Variants in DISC1 observed in about 807,000 individuals in gnomAD.
DISC1 encodes DISC1 scaffold protein.
A neutral mutation model predicts 84.5 loss-of-function variants in DISC1; 57 were observed. The ratio of observed to expected loss-of-function variants is 0.67; its 90% CI spans 0.55 to 0.84. DISC1 has a LOEUF of 0.84. Among genes scored for constraint, DISC1 ranks in the 40% least tolerant of loss-of-function variants. DISC1 has a pLI of 0.00. For missense variants in DISC1, 1,000 were observed against 1,057.8 expected, an observed-to-expected ratio of 0.95 and a Z score of 0.76; for synonymous variants, 411 against 415.2, an observed-to-expected ratio of 0.99 and a Z score of 0.12.
In DISC1 at chr1:231,694,225, T is replaced by C; in HGVS notation, c.467T>C (p.Leu156Pro). 6.2e-7 allele frequency: 1 copy of C among 1,614,190 alleles called. No homozygotes were observed. Among genetic ancestry groups the C allele is most frequent in the Non-Finnish European group, 8.5e-7 (1 of 1,180,036 alleles). ...EFAAMDSSET[L>P]DASWEAACSD... ...GCAGCCATGGATAGTTCTGAGACCCTGGACGCCAGCTGGGAGGCAGCCTGC... is the reference window on the plus strand; with the variant it reads ...GCAGCCATGGATAGTTCTGAGACCCCGGACGCCAGCTGGGAGGCAGCCTGC... Residue 156 changes from leucine to proline, a missense_variant, in exon 2 of 13, where the codon CTG becomes CCG. Transcript: ENST00000439617.
chr1:231,879,456 T>C (rs1252799937), intron 9 of DISC1, among the ~76,000 whole-genome samples: 2 of 152,026 alleles, frequency 1.3e-5, no homozygotes, highest in Non-Finnish European at 2.9e-5. Context: ...AGGTTTGCTA[T>C]AGCCAGTGAT....
rs918781114 is a variant in DISC1, at chr1:231,951,049, G to T, written c.1982-7779G>T. Among the ~76,000 whole-genome samples the T allele has an allele frequency of 1.9e-4, 29 of 152,198 alleles. 1 individual carries two copies. Among genetic ancestry groups the T allele is most frequent in the Non-Finnish European group, 8.8e-5 (6 of 68,036 alleles). ...GAAGTGGAGGCATCAACATAGTTCA[G>T]AATAATTGATTTTACTTTTTTCATG... On this transcript the variant is annotated intron_variant, in intron 9 of 12. Coordinates refer to ENST00000439617, the MANE Select transcript of DISC1 (RefSeq NM_018662.3).
chr1:231,901,298 T>C (rs2088154041), intron 9 of DISC1, among the ~76,000 whole-genome samples: 1 of 152,236 alleles, frequency 6.6e-6, no homozygotes, highest in Non-Finnish European at 1.5e-5. Context: ...TATGCAATGG[T>C]ATTATTCTTA....
chr1:231,972,682 G>A (rs1471534233), intron 10 of DISC1, among the ~76,000 whole-genome samples: 1 of 152,178 alleles, frequency 6.6e-6, no homozygotes, highest in East Asian at 1.9e-4. Context: ...TAAATCTCCA[G>A]CTCTGACTGT....
chr1:232,002,659 A>G (rs1026677017), intron 10 of DISC1, among the ~76,000 whole-genome samples: 3 of 151,320 alleles, frequency 2.0e-5, no homozygotes, highest in Admixed American at 6.6e-5. Flanking sequence ...CCCTTAAGGT[A>G]TCTACTTTAT....
intron 3 of DISC1, among the ~76,000 whole-genome samples, chr1:231,740,295 T>C (rs916540216): frequency 6.6e-6 from 1 of 152,198 alleles, no homozygotes; most frequent in Non-Finnish European, 1.5e-5. Context: ...CTTGTGGAGG[T>C]ATTGGTCATA....
At chr1:231,654,685 A>G (rs1230836668) in intron 1 of DISC1, among the ~76,000 whole-genome samples, 1 of 152,098 alleles carries the variant, frequency 6.6e-6, no homozygotes, top group Admixed American at 6.5e-5. Context: ...TTTTTAGATT[A>G]CACCTGTAAC....
chr1:231,901,747 A>G (rs918199943), intron 9 of DISC1, among the ~76,000 whole-genome samples: 5 of 152,158 alleles, frequency 3.3e-5, no homozygotes. Flanking sequence ...TTATATATTT[A>G]ATCATGCAGT....
At chr1:231,776,175 T>C (rs2076949405) in intron 6 of DISC1, among the ~76,000 whole-genome samples, 1 of 152,158 alleles carries the variant, frequency 6.6e-6, no homozygotes, top group South Asian at 2.1e-4. Context: ...GTAGCATGCA[T>C]ATGGCTAACG....
intron 3 of DISC1, among the ~76,000 whole-genome samples, chr1:231,704,401 A>T (rs1230606518): frequency 1.3e-5 from 2 of 152,176 alleles, no homozygotes; most frequent in African/African-American, 4.8e-5. Flanking sequence ...TATCCATCGT[A>T]TACAACAGCA....
intron 7 of DISC1, among the ~76,000 whole-genome samples, chr1:231,799,167 G>GA (rs1206030690): frequency 6.6e-6 from 1 of 152,006 alleles, no homozygotes; most frequent in Non-Finnish European, 1.5e-5. Context: ...AAAAACCAAA[G>GA]AAAAAAACTG....
rs562421606 is a variant in DISC1, at chr1:231,740,522, C to G, written c.1118-9404C>G. 9.3e-4 allele frequency among the ~76,000 whole-genome samples: 141 copies of G among 152,298 alleles called. 1 individual carries two copies. The highest frequency in any genetic ancestry group is 3.4e-3 in the Middle Eastern group (1 of 294). Reference sequence around the variant, plus strand: ...TGGCTGAGCGAGCTCACTTATGGTCCTGAATACCAGGGGCAGAGGTTTGGA... The same window carrying G: ...TGGCTGAGCGAGCTCACTTATGGTCGTGAATACCAGGGGCAGAGGTTTGGA... On this transcript the variant is annotated intron_variant, in intron 3 of 12. Transcript: ENST00000439617.
chr1:231,894,413 C>T (rs2087513546), intron 9 of DISC1, among the ~76,000 whole-genome samples: 1 of 152,098 alleles, frequency 6.6e-6, no homozygotes, highest in African/African-American at 2.4e-5. Context: ...GTATATTCTA[C>T]TATTCTACTC....
chr1:231,974,203 C>T (rs1366512505), intron 10 of DISC1, among the ~76,000 whole-genome samples: 2 of 152,064 alleles, frequency 1.3e-5, no homozygotes, highest in African/African-American at 2.4e-5. Flanking sequence ...CTGGCCTTCC[C>T]GTGGTCTCAA....
chr1:231,975,961 G>T (rs186298843), intron 10 of DISC1, among the ~76,000 whole-genome samples: 30 of 152,284 alleles, frequency 2.0e-4, no homozygotes, highest in African/African-American at 7.0e-4. Flanking sequence ...CCCTTGTACC[G>T]CATACATTTA....
intron 10 of DISC1, among the ~76,000 whole-genome samples, chr1:231,999,273 C>A (rs938204203): frequency 6.6e-6 from 1 of 152,140 alleles, no homozygotes; most frequent in African/African-American, 2.4e-5. Flanking sequence ...CTCTGAAAGA[C>A]CGTGAGAGGA....
At position 231,651,412 on chromosome 1, in the gene DISC1, A is replaced by G. The variant is rs556350119; in HGVS notation, c.67+24478A>G. On this transcript the variant is annotated intron_variant, in intron 1 of 12. Transcript: ENST00000439617. ...ACCAGTGGAGGCTGCAGAACAGCAA[A>G]TATTGCAGAACAGTAAATATTGCTG... Among the ~76,000 whole-genome samples, 541 of 152,262 alleles carry G rather than the reference A, an allele frequency of 3.6e-3. 4 individuals are homozygous for G. The highest frequency in any genetic ancestry group is 0.013 in the African/African-American group (522 of 41,554).
At chr1:231,938,359 G>A (rs1447672737) in intron 9 of DISC1, among the ~76,000 whole-genome samples, 1 of 152,126 alleles carries the variant, frequency 6.6e-6, no homozygotes, top group Non-Finnish European at 1.5e-5. Flanking sequence ...GGTTTGAAGT[G>A]TGAGAAGTGC....
chr1:231,833,090 C>T (rs2082362487), intron 9 of DISC1, among the ~76,000 whole-genome samples: 1 of 149,090 alleles, frequency 6.7e-6, no homozygotes, highest in Admixed American at 6.7e-5. Flanking sequence ...GCAAAGGAGG[C>T]TTTGGATTGG....
Sources: gnomAD v4.1 joint callset for allele counts (sites outside exome capture counted in the v4.1 genomes callset) on GRCh38, gnomAD v4.1.1 for gene constraint, MANE v1.5 for transcripts, NCBI Gene and HGNC (gene_info 2026-07-23, HGNC 2026-07-21) for gene names.